Variants in CDH13 observed in about 807,000 individuals in gnomAD.
CDH13 encodes cadherin-13.
A neutral mutation model predicts 63.8 loss-of-function variants in CDH13; 24 were observed. The ratio of observed to expected loss-of-function variants is 0.38; its 90% confidence interval spans 0.27 to 0.53. The LOEUF is 0.53. Among genes scored for constraint, CDH13 ranks in the 20% least tolerant of loss-of-function variants. The probability of loss-of-function intolerance (pLI) is 0.85; values close to 1 mark genes in which losing one functional copy is unlikely to be tolerated. For missense variants in CDH13, 1,049 were observed against 903.1 expected, an observed-to-expected ratio of 1.16 and a Z score of -2.07; for synonymous variants, 503 against 355.3, an observed-to-expected ratio of 1.42 and a Z score of -4.67.
intron 1 of CDH13, among the ~76,000 whole-genome samples, chr16:82,817,074 G>C (rs867126652): frequency 6.6e-6 from 1 of 152,062 alleles, no homozygotes; most frequent in Non-Finnish European, 1.5e-5. Context: ...CAAGTGCATT[G>C]GTCAGATTGA....
intron 5 of CDH13, among the ~76,000 whole-genome samples, chr16:83,315,219 A>G (rs1035569): frequency 0.31 from 47,035 of 152,100 alleles, 7,483 homozygotes; most frequent in East Asian, 0.51. Flanking sequence ...CTTACCAGTA[A>G]ACTCCGCTGA....
chr16:83,244,077 G>A (rs1904744439), intron 5 of CDH13, among the ~76,000 whole-genome samples: 1 of 151,878 alleles, frequency 6.6e-6, no homozygotes, highest in Non-Finnish European at 1.5e-5. Flanking sequence ...ATACATAGGT[G>A]TCGAGCTTTC....
intron 1 of CDH13, among the ~76,000 whole-genome samples, chr16:82,713,383 G>T (rs564321116): frequency 8.5e-5 from 13 of 152,250 alleles, no homozygotes; most frequent in African/African-American, 3.1e-4. Context: ...ATGAGTCCCA[G>T]TGTCATGATG....
chr16:83,771,910 G>C (rs776048405), intron 11 of CDH13, among the ~76,000 whole-genome samples: 3 of 152,200 alleles, frequency 2.0e-5, no homozygotes, highest in Admixed American at 6.5e-5. Flanking sequence ...ACTGCTGCAT[G>C]ATGGAATTGC....
chr16:83,558,213 T>A (rs1431234252), intron 7 of CDH13, among the ~76,000 whole-genome samples: 2 of 152,176 alleles, frequency 1.3e-5, no homozygotes, highest in African/African-American at 4.8e-5. Context: ...CCTGAAGATT[T>A]AAGAGTGAAC....
chr16:83,410,618 T>C (rs2092111839), intron 6 of CDH13, among the ~76,000 whole-genome samples: 1 of 152,230 alleles, frequency 6.6e-6, no homozygotes, highest in South Asian at 2.1e-4. Flanking sequence ...AGGATATTTT[T>C]CCTTCCTTCT....
At chr16:83,341,698 G>C (rs181419223) in intron 5 of CDH13, among the ~76,000 whole-genome samples, 2 of 152,070 alleles carry the variant, frequency 1.3e-5, no homozygotes, top group Non-Finnish European at 2.9e-5. Flanking sequence ...ATTGTTCTAC[G>C]CAAAAACTCT....
At chr16:83,116,490 G>A (rs1476137861) in intron 3 of CDH13, among the ~76,000 whole-genome samples, 1 of 152,230 alleles carries the variant, frequency 6.6e-6, no homozygotes, top group African/African-American at 2.4e-5. Flanking sequence ...TGGCGCTGCA[G>A]CCCCTTCTGT....
intron 5 of CDH13, among the ~76,000 whole-genome samples, chr16:83,339,348 C>T (rs2090671761): frequency 1.3e-5 from 2 of 152,032 alleles, no homozygotes; most frequent in South Asian, 4.2e-4. Context: ...TCCTTGCCTC[C>T]AATGATGTCA....
intron 10 of CDH13, among the ~76,000 whole-genome samples, chr16:83,723,350 G>C (rs970084480): frequency 2.0e-5 from 3 of 152,230 alleles, no homozygotes; most frequent in Admixed American, 6.5e-5. Context: ...ATGTCCCACA[G>C]ATACTAAAGG....
At chr16:82,914,676 A>G (rs1201550914) in intron 2 of CDH13, among the ~76,000 whole-genome samples, 1 of 152,224 alleles carries the variant, frequency 6.6e-6, no homozygotes, top group Non-Finnish European at 1.5e-5. Flanking sequence ...GGCACAGGCA[A>G]AAGTGCATGT....
chr16:83,700,488 C>T (rs1906054306), intron 10 of CDH13, among the ~76,000 whole-genome samples: 2 of 152,210 alleles, frequency 1.3e-5, no homozygotes, highest in Admixed American at 6.5e-5. Context: ...ATGTGCCAGG[C>T]ACTGTTGTTA....
intron 4 of CDH13, among the ~76,000 whole-genome samples, chr16:83,139,863 A>G (rs2036455308): frequency 6.6e-6 from 1 of 152,068 alleles, no homozygotes. Context: ...TTAGTTAGGC[A>G]TGGTGGTGCA....
intron 2 of CDH13, among the ~76,000 whole-genome samples, chr16:82,942,222 A>G (rs1904296488): frequency 6.6e-6 from 1 of 152,154 alleles, no homozygotes; most frequent in African/African-American, 2.4e-5. Context: ...GGTGTGAGGT[A>G]GAGGTCAAGA....
At chr16:83,525,383 C>G (rs1332559185) in intron 7 of CDH13, among the ~76,000 whole-genome samples, 1 of 152,210 alleles carries the variant, frequency 6.6e-6, no homozygotes. Flanking sequence ...CTATAACTTG[C>G]CTGTGGTCAC....
At chr16:82,627,224 G>A (rs1393488910) in intron 1 of CDH13, 87 bp downstream of exon 1, 1 of 1,185,384 alleles carries the variant, frequency 8.4e-7, no homozygotes, top group South Asian at 1.3e-5. Flanking sequence ...GGGCTTTCGG[G>A]GGGTCGGGGC....
At chr16:83,781,614 A>C (rs1305532753) in intron 12 of CDH13, among the ~76,000 whole-genome samples, 2 of 152,140 alleles carry the variant, frequency 1.3e-5, no homozygotes, top group African/African-American at 4.8e-5. Context: ...TTTTTAAATA[A>C]TGAATTCTGT....
At chr16:83,514,741 G>A (rs996951067) in intron 7 of CDH13, among the ~76,000 whole-genome samples, 2 of 152,188 alleles carry the variant, frequency 1.3e-5, no homozygotes, top group African/African-American at 4.8e-5. Context: ...GGGATGATGA[G>A]TCTATAAACC....
rs781038234 is a variant in CDH13 at position 83,047,581 on chromosome 16, C to A, written c.366+15363C>A. On this transcript the variant is annotated intron_variant, in intron 3 of 13. Transcript: ENST00000567109. This position sits in a 1 kb window ranked among gnomAD's most constrained non-coding sequence, Gnocchi z 4.9. ...AAAATACAAACAGAAAAAAAGCTCC[C>A]TGTATTTTCCCAAATTCTGCATAAA... Among the ~76,000 whole-genome samples, 1 of 152,160 alleles carries A rather than the reference C, an allele frequency of 6.6e-6. No homozygotes were observed. The highest frequency in any genetic ancestry group is 1.5e-5 in the Non-Finnish European group (1 of 68,036).
Sources: gnomAD v4.1 joint callset for allele counts (sites outside exome capture counted in the v4.1 genomes callset) on GRCh38, gnomAD v4.1.1 for gene constraint, Gnocchi (gnomAD v3.1) non-coding constraint, MANE v1.5 for transcripts, NCBI Gene and HGNC (gene_info 2026-07-23, HGNC 2026-07-21) for gene names.